Variants in DLGAP2 observed in about 807,000 individuals in gnomAD.
DLGAP2 encodes the protein disks large-associated protein 2.
Under a neutral mutation model 100.3 loss-of-function variants are expected in DLGAP2, and 26 were observed. The ratio of observed to expected loss-of-function variants is 0.26; its 90% CI spans 0.19 to 0.36. DLGAP2 has a LOEUF of 0.36. DLGAP2 is among the 10% of genes least tolerant of loss of function. The probability of loss-of-function intolerance (pLI) is 1.00; values close to 1 mark genes in which losing one functional copy is unlikely to be tolerated. For synonymous variants in DLGAP2, 886 were observed against 630.1 expected, an observed-to-expected ratio of 1.41 and a Z score of -6.08; for missense variants, 1,858 against 1,453.2, an observed-to-expected ratio of 1.28 and a Z score of -4.53.
At chr8:963,407 T>A (rs1427585269) in intron 2 of DLGAP2, among the ~76,000 whole-genome samples, 1 of 152,194 alleles carries the variant, frequency 6.6e-6, no homozygotes, top group Non-Finnish European at 1.5e-5. Context: ...AAGAATAACC[T>A]TTTACTGCCT....
At chr8:1,541,018 A>G (rs966969142) in intron 4 of DLGAP2, among the ~76,000 whole-genome samples, 1 of 151,478 alleles carries the variant, frequency 6.6e-6, no homozygotes, top group Admixed American at 6.6e-5. Flanking sequence ...AGGATTTTCT[A>G]CAGAGCCCAG....
Position 832,198 on chromosome 8 carries a change from G to A in DLGAP2, c.19-75714G>A, listed in dbSNP as rs141665262. On this transcript the variant is annotated intron_variant, in intron 1 of 14. Coordinates refer to ENST00000637795, the MANE Select transcript of DLGAP2 (RefSeq NM_001346810.2). ...CTCTGTTGGTAGTTTCTTTTGCTGT[G>A]CAGAAGTTCTTTAGTTTAATTAGAT... 2.2e-3 allele frequency among the ~76,000 whole-genome samples: 329 copies of A among 152,264 alleles called. 1 individual carries two copies. The highest frequency in any genetic ancestry group is 6.8e-3 in the African/African-American group (283 of 41,540).
At chr8:1,061,787 G>A (rs1034257891) in intron 2 of DLGAP2, among the ~76,000 whole-genome samples, 4 of 151,916 alleles carry the variant, frequency 2.6e-5, no homozygotes, top group Non-Finnish European at 5.9e-5. Flanking sequence ...AGCCATTTCC[G>A]TGGAGGGCTT....
intron 6 of DLGAP2, among the ~76,000 whole-genome samples, chr8:1,576,718 G>T (rs545847539): frequency 2.6e-5 from 4 of 152,270 alleles, no homozygotes; most frequent in Non-Finnish European, 5.9e-5. Flanking sequence ...TTATTAAATA[G>T]GGAGTCCTTT....
At chr8:1,490,106 G>T (rs771227037) in intron 3 of DLGAP2, among the ~76,000 whole-genome samples, 1 of 151,968 alleles carries the variant, frequency 6.6e-6, no homozygotes, top group Non-Finnish European at 1.5e-5. Context: ...TGGCCAGGCT[G>T]GTCTTGAACT....
At chr8:1,073,632 T>A in intron 2 of DLGAP2, among the ~76,000 whole-genome samples, 1 of 152,222 alleles carries the variant, frequency 6.6e-6, no homozygotes, top group Non-Finnish European at 1.5e-5. Context: ...CACAGACATG[T>A]GGAAGGGGAT....
intron 3 of DLGAP2, among the ~76,000 whole-genome samples, chr8:1,472,321 G>T (rs1357021870): frequency 6.6e-6 from 1 of 152,236 alleles, no homozygotes; most frequent in Admixed American, 6.5e-5. Flanking sequence ...GAGGCCAGGG[G>T]CGCAGGTGCC....
At chr8:1,554,124 C>G (rs1424913772) in intron 5 of DLGAP2, among the ~76,000 whole-genome samples, 2 of 152,072 alleles carry the variant, frequency 1.3e-5, no homozygotes, top group Non-Finnish European at 2.9e-5. Flanking sequence ...CCTGTTTCTA[C>G]TAAAAATACA....
At chr8:1,600,999 T>A (rs948651507) in intron 6 of DLGAP2, among the ~76,000 whole-genome samples, 2 of 152,240 alleles carry the variant, frequency 1.3e-5, no homozygotes, top group African/African-American at 2.4e-5. Flanking sequence ...TTTCCTCATC[T>A]TCATGGATTT....
chr8:1,266,273 C>A (rs183166286), intron 3 of DLGAP2, among the ~76,000 whole-genome samples: 6 of 152,244 alleles, frequency 3.9e-5, no homozygotes, highest in African/African-American at 1.4e-4. Context: ...GGCATTTTAG[C>A]AAGCACTTAC....
At chr8:1,021,064 C>T (rs968795559) in intron 2 of DLGAP2, among the ~76,000 whole-genome samples, 3 of 152,216 alleles carry the variant, frequency 2.0e-5, no homozygotes, top group African/African-American at 4.8e-5. Context: ...GATGCAGACT[C>T]ATGGTACTGG....
At chr8:1,299,217 G>C (rs1169286865) in intron 3 of DLGAP2, among the ~76,000 whole-genome samples, 2 of 152,242 alleles carry the variant, frequency 1.3e-5, no homozygotes, top group Non-Finnish European at 2.9e-5. Flanking sequence ...GGGCGGCACA[G>C]CTCTGGGCTC....
chr8:1,517,602 G>T (rs528521084), intron 4 of DLGAP2, among the ~76,000 whole-genome samples: 1 of 152,236 alleles, frequency 6.6e-6, no homozygotes, highest in African/African-American at 2.4e-5. Flanking sequence ...ACCAGCAAGG[G>T]GCCCCTCCAT....
intron 3 of DLGAP2, among the ~76,000 whole-genome samples, chr8:1,463,909 G>A (rs918105506): frequency 3.3e-5 from 5 of 152,206 alleles, no homozygotes; most frequent in Admixed American, 6.5e-5. Flanking sequence ...AGCTGCACGC[G>A]CTCCTGGGAC....
At chr8:933,053 T>C (rs546497751) in intron 2 of DLGAP2, among the ~76,000 whole-genome samples, 1 of 152,388 alleles carries the variant, frequency 6.6e-6, no homozygotes, top group Non-Finnish European at 1.5e-5. Flanking sequence ...GGAGTTCCTA[T>C]GGACTCGTCT....
chr8:1,423,676 C>G (rs540015169), intron 3 of DLGAP2, among the ~76,000 whole-genome samples: 17 of 152,168 alleles, frequency 1.1e-4, no homozygotes, highest in Non-Finnish European at 1.9e-4. Context: ...GCGTTGAGAG[C>G]CTGGCATGTG....
chr8:877,840 G>A (rs1438894596), intron 1 of DLGAP2, among the ~76,000 whole-genome samples: 2 of 152,188 alleles, frequency 1.3e-5, no homozygotes, highest in Non-Finnish European at 2.9e-5. Flanking sequence ...GAATGCTAGC[G>A]ATGGCCCATA....
intron 3 of DLGAP2, among the ~76,000 whole-genome samples, chr8:1,270,922 C>T (rs1799570031): frequency 6.6e-6 from 1 of 152,166 alleles, no homozygotes; most frequent in South Asian, 2.1e-4. Flanking sequence ...CGACTGTATA[C>T]ACCGTTGACC....
chr8:1,699,039 T>C lies in DLGAP2; in HGVS notation c.2949+1740T>C, dbSNP rs183223760. ...AGACAGGTCCGTGTAAGCCACGGTTTGGATCTGAGGTGAAGGAGATGATCA... is the reference window on the plus strand; with the variant it reads ...AGACAGGTCCGTGTAAGCCACGGTTCGGATCTGAGGTGAAGGAGATGATCA... On this transcript the variant is annotated intron_variant, in intron 14 of 14. Coordinates refer to ENST00000637795, the MANE Select transcript of DLGAP2 (RefSeq NM_001346810.2). Among the ~76,000 whole-genome samples the C allele has an allele frequency of 1.1e-3, 168 of 152,338 alleles. 2 individuals carry two copies. Among genetic ancestry groups the C allele is most frequent in the African/African-American group, 3.7e-3 (155 of 41,570 alleles).
Sources: gnomAD v4.1 joint callset for allele counts (sites outside exome capture counted in the v4.1 genomes callset) on GRCh38, gnomAD v4.1.1 for gene constraint, MANE v1.5 for transcripts, NCBI Gene and HGNC (gene_info 2026-07-23, HGNC 2026-07-21) for gene names.